The following SIRT2 variants were observed in gnomAD, a reference collection of about 807,000 sequenced individuals.
SIRT2 encodes the protein NAD-dependent protein deacetylase sirtuin-2.
A neutral mutation model predicts 57.4 loss-of-function variants in SIRT2; 40 were observed. That is an observed-to-expected ratio of 0.70 (90% confidence interval 0.54 to 0.91). The LOEUF (loss-of-function observed/expected upper bound fraction) is 0.91. SIRT2 is among the 40% of genes least tolerant of loss of function. The pLI, the probability that SIRT2 is intolerant of heterozygous loss-of-function variation, is 0.00. For synonymous variants in SIRT2, 161 were observed against 195.7 expected, an observed-to-expected ratio of 0.82 and a Z score of 1.48; for missense variants, 439 against 510.4, an observed-to-expected ratio of 0.86 and a Z score of 1.35.
At position 38,880,727 on chromosome 19, in the gene SIRT2, G is replaced by A. The variant is rs751451941; in HGVS notation, c.834C>T (p.Leu278=). The A allele has an allele frequency of 6.2e-7, 1 of 1,604,276 alleles. No homozygotes were observed. The highest frequency in any genetic ancestry group is 8.5e-7 in the Non-Finnish European group (1 of 1,173,072). Residue 278 remains leucine, a synonymous_variant, in exon 13 of 16, where the codon CTC becomes CTT. Transcript: ENST00000249396. This position sits in a 1 kb window ranked among gnomAD's most constrained non-coding sequence, Gnocchi z 4.1. The stretch of plus-strand genomic sequence containing the variant: ...TGTTGATGAGCAGGCGAGGGGTGGA[G>A]AGGGGTGCCCTGTGGGGAGGGGGAG... The part of the protein sequence containing the change: ...PFASLISKAP[L]STPRLLINKE...
intron 1 of SIRT2, among the ~76,000 whole-genome samples, 171 bp downstream of exon 1, chr19:38,899,335 G>T (rs111369032): frequency 9.0e-4 from 137 of 152,328 alleles, no homozygotes; most frequent in African/African-American, 3.1e-3. Flanking sequence ...CTGCGACCCA[G>T]AAACCCACCA....
intron 8 of SIRT2, 49 bp downstream of exon 8, chr19:38,889,038 G>A (rs1973432321): frequency 6.4e-7 from 1 of 1,553,534 alleles, no homozygotes; most frequent in Non-Finnish European, 8.8e-7. Context: ...AGGACACCAT[G>A]CCCGTTCCAC....
intron 8 of SIRT2, among the ~76,000 whole-genome samples, chr19:38,886,597 G>T (rs1973347178): frequency 6.6e-6 from 1 of 151,496 alleles, no homozygotes; most frequent in Non-Finnish European, 1.5e-5. Context: ...GGGACTACAG[G>T]TGTGCACTAC....
chr19:38,895,163 C>T (rs377662508), intron 2 of SIRT2, among the ~76,000 whole-genome samples: 4 of 152,130 alleles, frequency 2.6e-5, no homozygotes, highest in East Asian at 3.9e-4. Flanking sequence ...CCCTCCCCGG[C>T]GCTCCACCTG....
At position 38,889,724 on chromosome 19, in the gene SIRT2, CGAA is replaced by C; in HGVS notation, c.394_396del (p.Phe132del). Reference sequence around the variant, plus strand: ...CCAGGATAGAGTTCCTTGGCGAGGGCGAAGAAGGGTTCCGGATGTTTCTGTAGG... The same window carrying C: ...CCAGGATAGAGTTCCTTGGCGAGGGCGAAGGGTTCCGGATGTTTCTGTAGG... On this transcript the variant is annotated inframe_deletion, in exon 7 of 16. Coordinates refer to ENST00000249396, the MANE Select transcript of SIRT2 (RefSeq NM_012237.4). 6.2e-7 allele frequency: 1 copy of C among 1,614,054 alleles called. No individual in the cohort carries two copies. The highest frequency in any genetic ancestry group is 8.5e-7 in the Non-Finnish European group (1 of 1,180,006).
chr19:38,895,232 C>T (rs776631609), intron 2 of SIRT2, among the ~76,000 whole-genome samples: 17 of 152,284 alleles, frequency 1.1e-4, no homozygotes, highest in Non-Finnish European at 2.2e-4. Context: ...AGCCTCCCAG[C>T]CTCAGTCTCC....
chr19:38,886,456 T>G (rs930167821), intron 8 of SIRT2, among the ~76,000 whole-genome samples: 4 of 151,854 alleles, frequency 2.6e-5, no homozygotes, highest in East Asian at 1.9e-4. Flanking sequence ...AACATGGTTT[T>G]TTTTTTTTTT....
chr19:38,894,617 T>C (rs1973656948), intron 2 of SIRT2, among the ~76,000 whole-genome samples: 1 of 152,076 alleles, frequency 6.6e-6, no homozygotes, highest in Non-Finnish European at 1.5e-5. Flanking sequence ...CTGAATAATG[T>C]CCCAAGTCAC....
intron 2 of SIRT2, among the ~76,000 whole-genome samples, chr19:38,897,185 C>T (rs969634874): frequency 6.6e-6 from 1 of 152,144 alleles, no homozygotes; most frequent in African/African-American, 2.4e-5. Flanking sequence ...AGATGAGGCA[C>T]GTTTGGCACT....
At chr19:38,879,808 GTT>G in intron 13 of SIRT2, 106 bp from the exon 14 acceptor site, 1 of 675,360 alleles carries the variant, frequency 1.5e-6, no homozygotes, top group Non-Finnish European at 2.4e-6. Context: ...CTGTGACTTT[GTT>G]TTTTTTTTGT....
chr19:38,882,128 T>C (rs528389966), intron 9 of SIRT2, among the ~76,000 whole-genome samples: 1 of 152,198 alleles, frequency 6.6e-6, no homozygotes, highest in East Asian at 1.9e-4. Flanking sequence ...GTGATCCTCC[T>C]GCCTTAGCCT....
intron 8 of SIRT2, among the ~76,000 whole-genome samples, 168 bp from the exon 9 acceptor site, chr19:38,883,924 C>T (rs1600110099): frequency 2.0e-5 from 3 of 152,104 alleles, no homozygotes; most frequent in Non-Finnish European, 4.4e-5. Flanking sequence ...CTCTTCTGTT[C>T]ATCCCAATGG....
At chr19:38,890,468 G>A in intron 4 of SIRT2, 1 of 345,684 alleles carries the variant, frequency 2.9e-6, no homozygotes. Flanking sequence ...AGGCAGGCGG[G>A]TCATCTGAGG....
intron 9 of SIRT2, among the ~76,000 whole-genome samples, chr19:38,882,359 G>A (rs966786706): frequency 2.6e-5 from 4 of 152,174 alleles, no homozygotes; most frequent in African/African-American, 9.7e-5. Context: ...TTCTGGCCGG[G>A]TGTGGTGGCT....
intron 2 of SIRT2, among the ~76,000 whole-genome samples, chr19:38,896,374 C>T (rs993657646): frequency 1.3e-5 from 2 of 152,118 alleles, no homozygotes; most frequent in African/African-American, 2.4e-5. Context: ...ACAGACCCAC[C>T]TAATTTAAAA....
chr19:38,892,780 G>A lies in SIRT2; in HGVS notation c.226+634C>T, dbSNP rs1973585444. Among the ~76,000 whole-genome samples, 2 of 151,680 alleles carry A rather than the reference G, an allele frequency of 1.3e-5. 1 individual carries two copies. Among genetic ancestry groups the A allele is most frequent in the South Asian group, 4.2e-4 (2 of 4,808 alleles). ...AGAGATGGCGGGGGGGTCTCACTATGTTGCCCAGGCTGGTCTTGAACGCCT... is the reference window on the plus strand; with the variant it reads ...AGAGATGGCGGGGGGGTCTCACTATATTGCCCAGGCTGGTCTTGAACGCCT... On this transcript the variant is annotated intron_variant, in intron 4 of 15. Transcript: ENST00000249396.
intron 8 of SIRT2, 125 bp from the exon 9 acceptor site, chr19:38,883,881 G>A: frequency 1.0e-6 from 1 of 995,040 alleles, no homozygotes; most frequent in Non-Finnish European, 1.5e-6. Context: ...AGAAGGGAGG[G>A]AGGAGAAGCA....
rs745769457 is a variant in SIRT2, at chr19:38,890,093, G to T, written c.268+10C>A. The T allele has an allele frequency of 1.9e-6, 3 of 1,614,068 alleles. No individual in the cohort carries two copies. The highest frequency in any genetic ancestry group is 1.3e-5 in the African/African-American group (1 of 74,934). ...CTGGGGGTAGCTGCTGGGGGAGAAG[G>T]GTTACTTACATGTGGAGATTCCAGC... On this transcript the variant is annotated intron_variant, in intron 5 of 15. Coordinates refer to ENST00000249396, the MANE Select transcript of SIRT2 (RefSeq NM_012237.4).
chr19:38,885,720 A>G (rs1464262338), intron 8 of SIRT2, among the ~76,000 whole-genome samples: 1 of 151,158 alleles, frequency 6.6e-6, no homozygotes, highest in Non-Finnish European at 1.5e-5. Context: ...CCTTCCAGGT[A>G]GCTGGGAACA....
Sources: allele counts gnomAD v4.1 joint callset (sites outside exome capture counted in the v4.1 genomes callset), GRCh38; gene constraint gnomAD v4.1.1; non-coding constraint Gnocchi (gnomAD v3.1); transcripts MANE v1.5; gene names NCBI Gene and HGNC (gene_info 2026-07-23, HGNC 2026-07-21).